Variants in ABI1 observed in about 807,000 individuals in gnomAD.
ABI1 encodes the protein abl interactor 1, also known as Abelson interactor 1.
Under a neutral mutation model 54.6 loss-of-function variants are expected in ABI1, and 14 were observed. The observed-to-expected ratio is 0.26, with a 90% CI of 0.17 to 0.40. The LOEUF (loss-of-function observed/expected upper bound fraction) is 0.40, where lower values mean the gene tolerates loss of function less well. ABI1 is among the 10% of genes least tolerant of loss of function. ABI1 has a pLI of 1.00. For synonymous variants in ABI1, 194 were observed against 209.3 expected, an observed-to-expected ratio of 0.93 and a Z score of 0.63; for missense variants, 443 against 598.3, an observed-to-expected ratio of 0.74 and a Z score of 2.71.
rs150271537 is a variant in ABI1 at position 26,777,110 on chromosome 10, T to C, written c.417A>G (p.Lys139=). 1,260 of 1,613,542 alleles carry C rather than the reference T, an allele frequency of 7.8e-4. 6 individuals are homozygous for C. Among genetic ancestry groups the C allele is most frequent in the Middle Eastern group, 5.6e-3 (34 of 6,058 alleles). The change falls in exon 3 of 11, where the codon AAA becomes AAG. Residue 139 remains lysine, a synonymous_variant. Coordinates refer to ENST00000376140, the MANE Select transcript of ABI1 (RefSeq NM_001012750.3). The stretch of plus-strand genomic sequence containing the variant: ...CATCCAGAACTGTGTAATCGATAGG[T>C]TTCCGAATATACCTTACAGGGCGCT... ...NMERPVRYIR[K]PIDYTVLDDV... is the part of the protein sequence containing the mutation.
intron 8 of ABI1, among the ~76,000 whole-genome samples, chr10:26,758,068 C>CAAAA (rs71403888): frequency 3.0e-5 from 2 of 67,404 alleles, no homozygotes; most frequent in East Asian, 4.4e-4. Flanking sequence ...AACTCTGTCT[C>CAAAA]AAAAAAAAAA....
At chr10:26,847,114 T>A (rs140736483) in intron 1 of ABI1, among the ~76,000 whole-genome samples, 2 of 152,212 alleles carry the variant, frequency 1.3e-5, no homozygotes, top group East Asian at 3.9e-4. Flanking sequence ...AATAACTGAG[T>A]ATGTGACAAA....
intron 10 of ABI1, 107 bp downstream of exon 10, chr10:26,751,490 TA>T: frequency 9.2e-7 from 1 of 1,089,432 alleles, no homozygotes; most frequent in Non-Finnish European, 1.3e-6. Flanking sequence ...TCTTGGTTGG[TA>T]AGGCAGTTTA....
chr10:26,747,953 TACA>T lies in ABI1; in HGVS notation c.*614_*616del. ...CTCATTAAAAAACTTAGGTACAAAT[TACA>T]ACATTACAGATAATTCTCTTTTTGC... On this transcript the variant is annotated 3_prime_UTR_variant, in exon 11 of 11. Coordinates refer to ENST00000376140, the MANE Select transcript of ABI1 (RefSeq NM_001012750.3). The T allele has an allele frequency of 5.2e-6, 1 of 190,916 alleles. No homozygotes were observed. Among genetic ancestry groups the T allele is most frequent in the Non-Finnish European group, 1.0e-5 (1 of 95,294 alleles). The allele number at this position is 190,916 out of a possible 1,614,324, so 11.8% of individuals were successfully genotyped here.
At chr10:26,840,857 T>A (rs141564124) in intron 1 of ABI1, among the ~76,000 whole-genome samples, 2,219 of 152,282 alleles carry the variant, frequency 0.015, 54 homozygotes, top group African/African-American at 0.051. Flanking sequence ...TACAAAAGCA[T>A]TTTTAAAAAG....
At chr10:26,840,205 G>A (rs747589656) in intron 1 of ABI1, among the ~76,000 whole-genome samples, 2 of 152,024 alleles carry the variant, frequency 1.3e-5, no homozygotes, top group African/African-American at 2.4e-5. Flanking sequence ...AATGGCTTGG[G>A]GTCCTCAGGT....
intron 1 of ABI1, among the ~76,000 whole-genome samples, chr10:26,832,717 C>A (rs2048766684): frequency 6.6e-6 from 1 of 152,146 alleles, no homozygotes; most frequent in Non-Finnish European, 1.5e-5. Flanking sequence ...AAACTAACAT[C>A]TACTTTGCTG....
chr10:26,803,508 G>C (rs2046690361), intron 2 of ABI1, among the ~76,000 whole-genome samples: 1 of 152,132 alleles, frequency 6.6e-6, no homozygotes, highest in South Asian at 2.1e-4. Flanking sequence ...GCAAACACCA[G>C]TAATACTAAA....
At chr10:26,800,689 C>T (rs1188080428) in intron 2 of ABI1, among the ~76,000 whole-genome samples, 3 of 152,146 alleles carry the variant, frequency 2.0e-5, no homozygotes, top group Non-Finnish European at 4.4e-5. Flanking sequence ...CATGACAGGA[C>T]CATTACACTG....
At chr10:26,838,410 G>A (rs942022087) in intron 1 of ABI1, among the ~76,000 whole-genome samples, 2 of 152,166 alleles carry the variant, frequency 1.3e-5, no homozygotes, top group Non-Finnish European at 2.9e-5. Flanking sequence ...GGAAAGGGAA[G>A]AGGAAGGAGC....
At chr10:26,848,797 C>T (rs12359532) in intron 1 of ABI1, among the ~76,000 whole-genome samples, 38,978 of 151,278 alleles carry the variant, frequency 0.26, 5,696 homozygotes, top group South Asian at 0.44. Flanking sequence ...TTAGTAGAGA[C>T]GGGATTTCAC....
intron 1 of ABI1, 143 bp from the exon 2 acceptor site, chr10:26,823,448 T>C (rs2048115041): frequency 2.9e-6 from 2 of 687,572 alleles, no homozygotes; most frequent in Non-Finnish European, 4.3e-6. Context: ...AGTCTCAGGA[T>C]ACTACTGAAT....
At chr10:26,824,632 A>G (rs72629731) in intron 1 of ABI1, among the ~76,000 whole-genome samples, 5 of 152,184 alleles carry the variant, frequency 3.3e-5, no homozygotes, top group Non-Finnish European at 7.3e-5. Flanking sequence ...GTGGGAAAAA[A>G]TGTGTATAAT....
intron 2 of ABI1, among the ~76,000 whole-genome samples, chr10:26,793,047 A>C (rs1487724988): frequency 1.3e-5 from 2 of 152,340 alleles, no homozygotes; most frequent in Admixed American, 1.3e-4. Flanking sequence ...TATCATCCTC[A>C]CAACTGCCAC....
intron 2 of ABI1, among the ~76,000 whole-genome samples, chr10:26,790,351 T>C (rs923979833): frequency 1.3e-5 from 2 of 152,230 alleles, no homozygotes; most frequent in South Asian, 2.1e-4. Flanking sequence ...TGGTAGCTCA[T>C]TGTGGTTTTT....
chr10:26,857,538 G>C (rs1297619375), intron 1 of ABI1, among the ~76,000 whole-genome samples: 5 of 151,614 alleles, frequency 3.3e-5, no homozygotes, highest in African/African-American at 1.2e-4. Flanking sequence ...AGCTACCTGG[G>C]GGGGCTGAGG....
intron 10 of ABI1, among the ~76,000 whole-genome samples, chr10:26,751,140 GA>G (rs1418181332): frequency 6.6e-6 from 1 of 152,106 alleles, no homozygotes; most frequent in East Asian, 1.9e-4. Flanking sequence ...ATCATAAGTT[GA>G]GAAGCATACT....
At chr10:26,799,338 A>C (rs1237916204) in intron 2 of ABI1, among the ~76,000 whole-genome samples, 1 of 152,156 alleles carries the variant, frequency 6.6e-6, no homozygotes, top group Non-Finnish European at 1.5e-5. Context: ...GTATTCCATA[A>C]TTATGCTGCA....
chr10:26,770,975 G>T, intron 4 of ABI1, 100 bp downstream of exon 4: 1 of 1,188,722 alleles, frequency 8.4e-7, no homozygotes, highest in Non-Finnish European at 1.3e-6. Flanking sequence ...ACAGGGAAAA[G>T]CAGACAGACA....
Sources: allele counts gnomAD v4.1 joint callset (sites outside exome capture counted in the v4.1 genomes callset), GRCh38; gene constraint gnomAD v4.1.1; transcripts MANE v1.5; gene names NCBI Gene and HGNC (gene_info 2026-07-23, HGNC 2026-07-21).